SVIL: variants seen among roughly 807,000 people sequenced by gnomAD.
SVIL encodes archvillin.
A neutral mutation model predicts 240.4 loss-of-function variants in SVIL; 101 were observed. That is an observed-to-expected ratio of 0.42 (90% CI 0.36 to 0.50). The LOEUF is 0.50. Ranked by LOEUF, SVIL falls within the 20% of genes least tolerant of loss-of-function variation. The probability of loss-of-function intolerance (pLI) is 0.01; values close to 1 mark genes in which losing one functional copy is unlikely to be tolerated. For missense variants in SVIL, 2,512 were observed against 2,818.7 expected, an observed-to-expected ratio of 0.89 and a Z score of 2.46; for synonymous variants, 999 against 1,100.0, an observed-to-expected ratio of 0.91 and a Z score of 1.82.
At chr10:29,542,919 GA>G (rs1294321476) in intron 6 of SVIL, among the ~76,000 whole-genome samples, 1 of 152,136 alleles carries the variant, frequency 6.6e-6, no homozygotes, top group Non-Finnish European at 1.5e-5. Flanking sequence ...CAGCAACCCA[GA>G]AGCCAAACTA....
intron 32 of SVIL, 52 bp downstream of exon 32, chr10:29,470,224 C>T: frequency 6.3e-7 from 1 of 1,594,938 alleles, no homozygotes; most frequent in Non-Finnish European, 8.6e-7. Flanking sequence ...CCTGCCCCGT[C>T]CCTCTGGGAA....
chr10:29,474,095 G>C (rs999512601), intron 29 of SVIL, 106 bp from the exon 30 acceptor site: 79 of 1,453,942 alleles, frequency 5.4e-5, no homozygotes, highest in Non-Finnish European at 6.9e-5. Flanking sequence ...GTGGCAAAGA[G>C]CCTCGGACCT....
intron 16 of SVIL, among the ~76,000 whole-genome samples, chr10:29,514,727 T>C (rs1950094499): frequency 6.6e-6 from 1 of 152,126 alleles, no homozygotes; most frequent in Non-Finnish European, 1.5e-5. Context: ...CCAATTTGGC[T>C]ACTCCCTTTG....
At chr10:29,704,538 C>G (rs188944116) in intron 1 of SVIL, among the ~76,000 whole-genome samples, 3 of 152,184 alleles carry the variant, frequency 2.0e-5, no homozygotes, top group Admixed American at 1.3e-4. Flanking sequence ...CTGGCCTCTT[C>G]TTTTTTAATC....
intron 1 of SVIL, among the ~76,000 whole-genome samples, chr10:29,577,069 C>T (rs762310902): frequency 9.9e-5 from 15 of 151,980 alleles, no homozygotes; most frequent in Non-Finnish European, 1.5e-4. Flanking sequence ...TTAGTAGAGA[C>T]GGGTTTTCAC....
chr10:29,516,745 G>A (rs1416487491), intron 16 of SVIL, among the ~76,000 whole-genome samples: 2 of 152,212 alleles, frequency 1.3e-5, no homozygotes, highest in African/African-American at 4.8e-5. Flanking sequence ...CTGGCCCAGG[G>A]CCACCGTGAC....
chr10:29,523,244 A>C (rs1158344317), intron 15 of SVIL, among the ~76,000 whole-genome samples: 1 of 152,200 alleles, frequency 6.6e-6, no homozygotes, highest in African/African-American at 2.4e-5. Context: ...AGATGTGTGA[A>C]AGCTCTTCCA....
Position 29,473,960 on chromosome 10 carries a change from C to T in SVIL, c.5407G>A (p.Val1803Met), listed in dbSNP as rs143673085. The T allele has an allele frequency of 6.7e-5, 108 of 1,613,844 alleles. No homozygotes were observed. Among genetic ancestry groups the T allele is most frequent in the Non-Finnish European group, 8.2e-5 (97 of 1,180,026 alleles). Residue 1803 changes from valine to methionine, a missense_variant, in exon 30 of 38, where the codon GTG (valine) becomes ATG (methionine). Around this residue, in one of 3 missense-constraint regions of SVIL, gnomAD observed 797 missense variants for 925.3 expected, o/e 0.86. Coordinates refer to ENST00000355867, the MANE Select transcript of SVIL (RefSeq NM_021738.3). ...CACTTCTCTTTGCCGGCTGCCCTCA[C>T]CGAGTGCTCTCCCTTCTGGCGACTT... ...VGSRQKGEHS[V>M]RAAGKEKCVY...
At chr10:29,563,141 AT>A (rs1331012392) in intron 3 of SVIL, 59 bp downstream of exon 3, 1 of 560,350 alleles carries the variant, frequency 1.8e-6, no homozygotes, top group Non-Finnish European at 2.3e-6. Context: ...GCTCAAGGAA[AT>A]TCGGACAACA....
At chr10:29,458,821 T>C (rs1943875337) in intron 36 of SVIL, 1 of 300,778 alleles carries the variant, frequency 3.3e-6, no homozygotes, top group Admixed American at 4.8e-5. Flanking sequence ...AAATGGTATT[T>C]TTTGAGACAA....
At chr10:29,506,885 C>T (rs944585256) in intron 17 of SVIL, among the ~76,000 whole-genome samples, 3 of 152,032 alleles carry the variant, frequency 2.0e-5, no homozygotes, top group Non-Finnish European at 2.9e-5. Flanking sequence ...GGGCAAAGCC[C>T]GGCAGGGAGG....
chr10:29,546,659 G>C (rs1162565171), intron 6 of SVIL, among the ~76,000 whole-genome samples: 2 of 152,150 alleles, frequency 1.3e-5, no homozygotes, highest in East Asian at 3.9e-4. Context: ...ATGTACGTGA[G>C]CACATTCAAA....
chr10:29,673,604 A>G (rs1959969654), intron 2 of SVIL, among the ~76,000 whole-genome samples: 1 of 144,964 alleles, frequency 6.9e-6, no homozygotes, highest in East Asian at 2.1e-4. Context: ...AGAGAGAGAG[A>G]GCTAGGGGGG....
At chr10:29,480,430 G>T (rs1564482686) in intron 29 of SVIL, 107 bp downstream of exon 29, 4 of 1,426,174 alleles carry the variant, frequency 2.8e-6, no homozygotes, top group Non-Finnish European at 3.9e-6. Flanking sequence ...GTGCCCCACT[G>T]CACGGACGCA....
At chr10:29,723,329 G>A (rs1964099391) in intron 1 of SVIL, among the ~76,000 whole-genome samples, 1 of 152,216 alleles carries the variant, frequency 6.6e-6, no homozygotes, top group African/African-American at 2.4e-5. Context: ...GCAGTGAGCT[G>A]GGATCGTGCT....
intron 3 of SVIL, among the ~76,000 whole-genome samples, chr10:29,646,144 C>T (rs927375549): frequency 1.3e-5 from 2 of 152,122 alleles, no homozygotes; most frequent in Non-Finnish European, 2.9e-5. Context: ...GCAAATAATG[C>T]GTATGCTCCA....
At chr10:29,714,948 T>TAAAAAAAAAAAAAAAAAAGAAAAAA (rs1963525768) in intron 1 of SVIL, among the ~76,000 whole-genome samples, 1 of 78,454 alleles carries the variant, frequency 1.3e-5, no homozygotes, top group Non-Finnish European at 2.6e-5. Context: ...TGTCTGAAAT[T>TAAAAAAAAAAAAAAAAAAGAAAAAA]AAAAAAAAAA....
intron 1 of SVIL, among the ~76,000 whole-genome samples, chr10:29,569,809 A>G (rs554579799): frequency 3.6e-4 from 55 of 152,370 alleles, no homozygotes; most frequent in African/African-American, 1.3e-3. Flanking sequence ...TAAAATCTAC[A>G]CAATAACAAC....
chr10:29,647,899 C>T (rs1958711895), intron 3 of SVIL, among the ~76,000 whole-genome samples: 1 of 150,634 alleles, frequency 6.6e-6, no homozygotes, highest in Non-Finnish European at 1.5e-5. Context: ...GTTTTAAAAC[C>T]CCCTACATTT....
Sources: gnomAD v4.1 joint callset for allele counts (sites outside exome capture counted in the v4.1 genomes callset) on GRCh38, gnomAD v4.1.1 for gene constraint, gnomAD v4.1.1 regional missense constraint, MANE v1.5 for transcripts, NCBI Gene and HGNC (gene_info 2026-07-23, HGNC 2026-07-21) for gene names.